The following ACACA variants were observed in gnomAD, a reference collection of about 807,000 sequenced individuals.
ACACA encodes the protein acetyl-CoA carboxylase 1.
ACACA carries 103 observed loss-of-function variants against 296.1 expected under a neutral mutation model. The ratio of observed to expected loss-of-function variants is 0.35; its 90% CI spans 0.30 to 0.41. The LOEUF (loss-of-function observed/expected upper bound fraction) is 0.41. ACACA is among the 10% of genes least tolerant of loss of function. The pLI is 1.00. For synonymous variants in ACACA, 953 were observed against 1,038.6 expected (o/e 0.92, Z 1.58); for missense variants, 1,554 against 2,989.7 (o/e 0.52, Z 11.20).
chr17:37,352,420 C>T (rs1237942626), intron 1 of ACACA, among the ~76,000 whole-genome samples: 1 of 151,996 alleles, frequency 6.6e-6, no homozygotes, highest in Non-Finnish European at 1.5e-5. Flanking sequence ...TAGAGAAAAC[C>T]AGAGTCTCAA....
chr17:37,271,761 G>T (rs2082082584), intron 9 of ACACA, among the ~76,000 whole-genome samples: 1 of 152,092 alleles, frequency 6.6e-6, no homozygotes, highest in Non-Finnish European at 1.5e-5. Context: ...CCTGAGGTCA[G>T]GAGTTCGAGA....
At chr17:37,276,200 T>C in intron 7 of ACACA, 151 bp from the exon 8 acceptor site, 5 of 684,856 alleles carry the variant, frequency 7.3e-6, no homozygotes, top group South Asian at 1.6e-5. Context: ...ATGGGGACTA[T>C]TATGCTTTGA....
At chr17:37,151,958 C>A (rs890345348) in intron 43 of ACACA, among the ~76,000 whole-genome samples, 1 of 151,848 alleles carries the variant, frequency 6.6e-6, no homozygotes, top group Non-Finnish European at 1.5e-5. Context: ...CCGCGCCCGG[C>A]CTAATTTTTG....
intron 1 of ACACA, among the ~76,000 whole-genome samples, chr17:37,356,918 C>CA (rs1298416862): frequency 6.6e-6 from 1 of 152,036 alleles, no homozygotes; most frequent in African/African-American, 2.4e-5. Context: ...CCTGTTAAAC[C>CA]AGTCCACGTG....
chr17:37,136,748 C>A (rs2075349742), intron 45 of ACACA, among the ~76,000 whole-genome samples: 1 of 152,088 alleles, frequency 6.6e-6, no homozygotes. Context: ...TGAGACCATC[C>A]TGGATAACAC....
At chr17:37,328,721 G>A (rs1161285770) in intron 3 of ACACA, 3 of 393,908 alleles carry the variant, frequency 7.6e-6, no homozygotes, top group Non-Finnish European at 1.3e-5. Context: ...ATTATTTTAT[G>A]ACCCATTAAT....
At chr17:37,229,219 G>A (rs1022707799) in intron 25 of ACACA, among the ~76,000 whole-genome samples, 28 of 151,540 alleles carry the variant, frequency 1.8e-4, no homozygotes, top group African/African-American at 6.5e-4. Context: ...CCCTTTAAAA[G>A]AAATATAGGT....
Position 37,284,908 on chromosome 17 carries a change from T to G in ACACA, c.401A>C (p.Gln134Pro). Residue 134 changes from glutamine (Q) to proline (P), a missense_variant, in exon 4 of 56, where the codon CAA becomes CCA. By Grantham distance (76) the Gln-to-Pro change is moderately conservative (BLOSUM62 -1). This residue lies in a region of ACACA where 40 missense variants were observed against 92.2 expected (regional missense o/e 0.43). Coordinates refer to ENST00000616317, the MANE Select transcript of ACACA (RefSeq NM_198834.3). The stretch of plus-strand genomic sequence containing the variant: ...TGGAGAAGCCACAGTGAAATCTCGT[T>G]GAGAATCTATTTTCTTTCTGTCTCG... ...QGRDRKKIDS[Q>P]RDFTVASPAE... is the part of the protein sequence containing the mutation. The G allele has an allele frequency of 1.9e-6, 3 of 1,614,026 alleles. No individual in the cohort carries two copies. Among genetic ancestry groups the G allele is most frequent in the Non-Finnish European group, 2.5e-6 (3 of 1,179,864 alleles).
At chr17:37,379,290 T>C (rs2147727232) in intron 1 of ACACA, 4 of 1,613,990 alleles carry the variant, frequency 2.5e-6, no homozygotes, top group Non-Finnish European at 3.4e-6. Context: ...CTGAGAATCA[T>C]TGCTGCTCCC....
intron 1 of ACACA, among the ~76,000 whole-genome samples, chr17:37,397,902 T>G (rs1308401537): frequency 6.6e-6 from 1 of 151,946 alleles, no homozygotes; most frequent in Non-Finnish European, 1.5e-5. Flanking sequence ...GCTAACTGCA[T>G]CCTCTGAAAA....
intron 3 of ACACA, among the ~76,000 whole-genome samples, chr17:37,316,464 A>G (rs1170080233): frequency 6.6e-6 from 1 of 151,184 alleles, no homozygotes; most frequent in East Asian, 2.0e-4. Context: ...TGTGAGTATT[A>G]GAAATAATGT....
rs1247663486 is a variant in ACACA at position 37,097,425 on chromosome 17, A to G, written c.6721-259T>C. Among the ~76,000 whole-genome samples, 8 of 152,234 alleles carry G rather than the reference A, an allele frequency of 5.3e-5. No individual in the cohort carries two copies. ...ACATGGCTGAGATGTTCTGGGGAAG[A>G]GGCTGTGAGTTCCCAGATAACCAGA... On this transcript the variant is annotated intron_variant, in intron 53 of 55. Transcript: ENST00000616317. This position sits in a 1 kb window ranked among gnomAD's most constrained non-coding sequence, Gnocchi z 4.8.
intron 45 of ACACA, among the ~76,000 whole-genome samples, chr17:37,142,015 T>G (rs1056604799): frequency 6.6e-6 from 1 of 151,386 alleles, no homozygotes; most frequent in Non-Finnish European, 1.5e-5. Flanking sequence ...TTTTTTTGTT[T>G]TTTTTTTTTT....
chr17:37,357,976 T>TA (rs2049219080), intron 1 of ACACA, among the ~76,000 whole-genome samples: 1 of 152,080 alleles, frequency 6.6e-6, no homozygotes, highest in South Asian at 2.1e-4. Context: ...TCCAAGGAAA[T>TA]AAACTTCTGA....
At chr17:37,295,026 T>C (rs1345180809) in intron 3 of ACACA, among the ~76,000 whole-genome samples, 1 of 152,228 alleles carries the variant, frequency 6.6e-6, no homozygotes, top group African/African-American at 2.4e-5. Flanking sequence ...ACTGTAATGA[T>C]AGGAACTGGA....
chr17:37,162,117 G>A, intron 41 of ACACA, 67 bp from the exon 42 acceptor site: 1 of 1,552,164 alleles, frequency 6.4e-7, no homozygotes, highest in Non-Finnish European at 8.9e-7. Context: ...CAGGTTCATT[G>A]AAGGTATCAG....
intron 45 of ACACA, among the ~76,000 whole-genome samples, chr17:37,137,380 T>C (rs1567708139): frequency 6.6e-6 from 1 of 152,190 alleles, no homozygotes; most frequent in East Asian, 1.9e-4. Context: ...GTTTGTGTTT[T>C]CTCATTGACG....
chr17:37,236,310 A>G (rs183408248), intron 24 of ACACA, among the ~76,000 whole-genome samples: 17 of 152,336 alleles, frequency 1.1e-4, no homozygotes, highest in Admixed American at 9.2e-4. Context: ...CCAAAAGGGA[A>G]GCTGTTTAAA....
intron 1 of ACACA, among the ~76,000 whole-genome samples, chr17:37,380,421 A>G (rs1376913082): frequency 1.3e-5 from 2 of 152,034 alleles, no homozygotes; most frequent in African/African-American, 2.4e-5. Context: ...AACTTAAAGT[A>G]TAATAATAAA....
Sources: gnomAD v4.1 joint callset for allele counts (sites outside exome capture counted in the v4.1 genomes callset) on GRCh38, gnomAD v4.1.1 for gene constraint, gnomAD v4.1.1 regional missense constraint, Gnocchi (gnomAD v3.1) non-coding constraint, MANE v1.5 for transcripts, NCBI Gene and HGNC (gene_info 2026-07-23, HGNC 2026-07-21) for gene names.